Variants in PCNX2 observed in about 807,000 individuals in gnomAD.
The protein encoded by PCNX2 is pecanex 2.
PCNX2 carries 168 observed loss-of-function variants against 223.8 expected under a neutral mutation model. That is an observed-to-expected ratio of 0.75 (90% CI 0.66 to 0.85). The LOEUF (loss-of-function observed/expected upper bound fraction) is 0.85. Ranked by LOEUF, PCNX2 falls within the 40% of genes least tolerant of loss-of-function variation. The probability of loss-of-function intolerance (pLI) is 0.00; values close to 1 mark genes in which losing one functional copy is unlikely to be tolerated. For missense variants in PCNX2, 2,507 were observed against 2,675.5 expected, an observed-to-expected ratio of 0.94 and a Z score of 1.39; for synonymous variants, 1,006 against 1,052.6, an observed-to-expected ratio of 0.96 and a Z score of 0.86.
intron 32 of PCNX2, among the ~76,000 whole-genome samples, chr1:232,987,102 C>T (rs1669519044): frequency 6.6e-6 from 1 of 152,194 alleles, no homozygotes; most frequent in South Asian, 2.1e-4. Flanking sequence ...AATAGCTTTC[C>T]CTTACAGGCC....
chr1:233,256,547 C>T (rs1659746572), intron 5 of PCNX2, among the ~76,000 whole-genome samples: 2 of 152,276 alleles, frequency 1.3e-5, no homozygotes, highest in Middle Eastern at 6.8e-3. Flanking sequence ...CACATGGCTA[C>T]TTAAATGAAT....
chr1:233,180,750 G>A (rs559910625), intron 15 of PCNX2: 2 of 152,252 alleles, frequency 1.3e-5, no homozygotes, highest in South Asian at 4.2e-4. Flanking sequence ...AGCAGTACCT[G>A]TAAAGCAAAT....
At position 233,061,504 on chromosome 1, in the gene PCNX2, T is replaced by C. The variant is rs539863776; in HGVS notation, c.4077-4214A>G. Among the ~76,000 whole-genome samples the C allele has an allele frequency of 2.0e-5, 3 of 152,282 alleles. No individual in the cohort carries two copies. The South Asian group carries it at 6.2e-4, about 32-fold the overall frequency. The stretch of plus-strand genomic sequence containing the variant: ...AGCGCCTTCAGGTGACCTCCAGCCT[T>C]ACTGGGCCTGGGTTTTGACTTTTCA... On this transcript the variant is annotated intron_variant, in intron 23 of 33. Transcript: ENST00000258229.
chr1:233,243,729 C>T (rs1658924439), intron 8 of PCNX2, among the ~76,000 whole-genome samples: 2 of 152,202 alleles, frequency 1.3e-5, no homozygotes, highest in Admixed American at 1.3e-4. Flanking sequence ...TACCTGAAGT[C>T]CTGCTTCTAT....
intron 13 of PCNX2, 142 bp downstream of exon 13, chr1:233,208,375 TC>T (rs1433446387): frequency 1.1e-6 from 1 of 884,556 alleles, no homozygotes; most frequent in Non-Finnish European, 1.7e-6. Context: ...TCCCAGACAG[TC>T]TTCGGTAGAT....
At chr1:233,181,197 G>T (rs1247513680) in intron 15 of PCNX2, 2 of 146,710 alleles carry the variant, frequency 1.4e-5, no homozygotes, top group East Asian at 2.0e-4. Flanking sequence ...TCAAGTTGCT[G>T]ACTTTTTTTT....
chr1:233,266,194 TG>T (rs1660323337), intron 1 of PCNX2, among the ~76,000 whole-genome samples: 1 of 152,192 alleles, frequency 6.6e-6, no homozygotes, highest in African/African-American at 2.4e-5. Flanking sequence ...CCAAACTCCC[TG>T]ATCTCTTAAT....
intron 1 of PCNX2, chr1:233,291,096 G>A: frequency 1.0e-6 from 1 of 985,340 alleles, no homozygotes. Context: ...AGTATGTCAG[G>A]CAGCATAATG....
chr1:233,249,723 C>T lies in PCNX2; in HGVS notation c.2222+1016G>A, dbSNP rs114032558. On this transcript the variant is annotated intron_variant, in intron 8 of 33. Coordinates refer to ENST00000258229, the MANE Select transcript of PCNX2 (RefSeq NM_014801.4). ...GCAAAGCTTGGGAAGGACTGCATGG[C>T]GGGAGAGAGCCATCACCTACGGTTC... Among the ~76,000 whole-genome samples, 1,138 of 152,256 alleles carry T rather than the reference C, an allele frequency of 7.5e-3. 9 individuals carry two copies. The highest frequency in any genetic ancestry group is 0.023 in the South Asian group (111 of 4,824).
At chr1:233,005,553 C>T (rs1020798845) in intron 28 of PCNX2, among the ~76,000 whole-genome samples, 4 of 152,172 alleles carry the variant, frequency 2.6e-5, no homozygotes, top group Non-Finnish European at 5.9e-5. Flanking sequence ...AAATGATTCT[C>T]AATGTAGAAA....
chr1:233,047,272 T>A, intron 25 of PCNX2: 8 of 691,080 alleles, frequency 1.2e-5, no homozygotes, highest in Non-Finnish European at 1.2e-5. Context: ...CAAGATATAA[T>A]TGATCTAAGA....
At chr1:233,254,386 T>C (rs953378254) in intron 5 of PCNX2, among the ~76,000 whole-genome samples, 3 of 152,240 alleles carry the variant, frequency 2.0e-5, no homozygotes, top group African/African-American at 7.2e-5. Flanking sequence ...AAAGGCATAT[T>C]GACACAGCTC....
At chr1:233,198,530 T>C (rs1159940165) in intron 15 of PCNX2, among the ~76,000 whole-genome samples, 1 of 152,230 alleles carries the variant, frequency 6.6e-6, no homozygotes, top group Non-Finnish European at 1.5e-5. Flanking sequence ...GATTCTAACA[T>C]TTTGTGGCTG....
At chr1:233,160,134 T>C (rs1434369311) in intron 19 of PCNX2, 149 bp downstream of exon 19, 3 of 810,652 alleles carry the variant, frequency 3.7e-6, no homozygotes, top group Non-Finnish European at 5.6e-6. Context: ...TTTTTTATTG[T>C]GGTAAAATAC....
Position 233,227,880 on chromosome 1 carries a change from T to C in PCNX2, c.2359-509A>G, listed in dbSNP as rs1657840742. Among the ~76,000 whole-genome samples the C allele has an allele frequency of 2.0e-5, 3 of 152,278 alleles. No individual in the cohort carries two copies. The South Asian group carries it at 6.2e-4, about 32-fold the overall frequency. ...ATATTTATTGAAAAAATCTAAATCA[T>C]TAAAACTAAAATGTGGAGAAATTTA... is the stretch of plus-strand genomic sequence containing the variant. On this transcript the variant is annotated intron_variant, in intron 9 of 33. Transcript: ENST00000258229.
rs1572220615 is a variant in PCNX2, at chr1:233,295,442, C to G, written c.37G>C (p.Val13Leu). ...SQVLQLLRQG[V>L]WAALTGGWYH... ...CAGCCCCCGGTGAGCGCGGCCCACA[C>G]GCCCTGCCGGAGCAGCTGCAGCACC... The change falls in exon 1 of 34, where the codon GTG (valine) becomes CTG (leucine). Residue 13 changes from valine (V) to leucine (L), a missense_variant. This residue lies in a region of PCNX2 where 1,031 missense variants were observed against 1,021.7 expected (regional missense o/e 1.01). Transcript: ENST00000258229. The surrounding 1 kb of genome is among the most constrained non-coding windows in gnomAD (Gnocchi z 4.1). 6.4e-7 allele frequency: 1 copy of G among 1,551,286 alleles called. No homozygotes were observed. Among genetic ancestry groups the G allele is most frequent in the African/African-American group, 1.4e-5 (1 of 73,182 alleles).
intron 15 of PCNX2, among the ~76,000 whole-genome samples, chr1:233,185,814 A>G (rs1680065236): frequency 6.6e-6 from 1 of 152,222 alleles, no homozygotes. Flanking sequence ...TAACATCTCT[A>G]ATTGCTCTGA....
At position 233,217,899 on chromosome 1, in the gene PCNX2, G is replaced by A. The variant is rs759138504; in HGVS notation, c.2691C>T (p.His897=). ...TACTTGCCTGTATTTGGAAACTTAC[G>A]TGTATTGGTGAGGCGGGGTCAGGCT... The part of the protein sequence containing the change: ...SVQPDPASPI[H]GHNQIITYSR... The change falls in exon 12 of 34, where the codon CAC becomes CAT. Residue 897 remains histidine, a splice_region_variant and synonymous_variant. Coordinates refer to ENST00000258229, the MANE Select transcript of PCNX2 (RefSeq NM_014801.4). 3.7e-5 allele frequency: 60 copies of A among 1,613,730 alleles called. No homozygotes were observed. Among genetic ancestry groups the A allele is most frequent in the East Asian group, 6.7e-5 (3 of 44,886 alleles).
intron 17 of PCNX2, among the ~76,000 whole-genome samples, chr1:233,163,438 A>T (rs1371650355): frequency 6.6e-6 from 1 of 151,468 alleles, no homozygotes; most frequent in Non-Finnish European, 1.5e-5. Context: ...GTGAGCCGAG[A>T]TCACACCACT....
Sources: gnomAD v4.1 joint callset for allele counts (sites outside exome capture counted in the v4.1 genomes callset) on GRCh38, gnomAD v4.1.1 for gene constraint, gnomAD v4.1.1 regional missense constraint, Gnocchi (gnomAD v3.1) non-coding constraint, MANE v1.5 for transcripts, NCBI Gene and HGNC (gene_info 2026-07-23, HGNC 2026-07-21) for gene names.